Variants in CCDC157 observed in about 807,000 individuals in gnomAD.
The protein encoded by CCDC157 is coiled-coil domain-containing protein 157.
CCDC157 carries 60 observed loss-of-function variants against 70.9 expected under a neutral mutation model. That is an observed-to-expected ratio of 0.85 (90% CI 0.69 to 1.05). The LOEUF is 1.05. Among genes scored for constraint, CCDC157 ranks in the 50% least tolerant of loss-of-function variants. The pLI is 0.00. For synonymous variants in CCDC157, 373 were observed against 422.4 expected (o/e 0.88, Z 1.43); for missense variants, 943 against 984.2 (o/e 0.96, Z 0.56).
rs757683971 is a variant in CCDC157 at position 30,376,275 on chromosome 22, G to A, written c.1874G>A (p.Arg625Gln). The A allele has an allele frequency of 2.7e-5, 42 of 1,579,482 alleles. No homozygotes were observed. Among genetic ancestry groups the A allele is most frequent in the South Asian group, 9.9e-5 (9 of 90,622 alleles). The part of the protein sequence containing the change: ...QGGLKLIPQD[R>Q]LWSPSSKGTQ... ...TTTTTGTAGCTGATCCCGCAGGACC[G>A]GCTCTGGTCCCCTTCCAGCAAGGGA... The change falls in exon 11 of 12, where the codon CGG becomes CAG. Residue 625 changes from arginine (R) to glutamine (Q), a missense_variant. Transcript: ENST00000338306.
At chr22:30,371,547 T>G (rs11705092) in intron 5 of CCDC157, 103 bp from the exon 6 acceptor site, 205,920 of 972,998 alleles carry the variant, frequency 0.21, 23,589 homozygotes, top group Middle Eastern at 0.28. Context: ...GCGGCCCCTC[T>G]GCAGGCGATG....
At position 30,373,912 on chromosome 22, in the gene CCDC157, G is replaced by A. The variant is rs4820838; in HGVS notation, c.1504-11G>A. ...ACTCAGGAGCCAGGCCTGAGCCTCCGTCTGTCCCAGGAGCTGCTGCAGAGC... is the reference window on the plus strand; with the variant it reads ...ACTCAGGAGCCAGGCCTGAGCCTCCATCTGTCCCAGGAGCTGCTGCAGAGC... On this transcript the variant is annotated splice_polypyrimidine_tract_variant and intron_variant, in intron 8 of 11. Coordinates refer to ENST00000338306, the MANE Select transcript of CCDC157 (RefSeq NM_001017437.5). The A allele has an allele frequency of 1.1e-5, 17 of 1,602,406 alleles. No homozygotes were observed. In the East Asian group the frequency reaches 1.3e-4, roughly 13 times the overall value.
At chr22:30,357,701 G>A (rs1932007561) in intron 1 of CCDC157, among the ~76,000 whole-genome samples, 1 of 145,062 alleles carries the variant, frequency 6.9e-6, no homozygotes, top group Non-Finnish European at 1.5e-5. Flanking sequence ...ATTTTTAGTA[G>A]AGACGGGGTT....
rs964352666 is a variant in CCDC157 at position 30,375,554 on chromosome 22, G to C, written c.1748G>C (p.Arg583Thr). Reference protein sequence around the residue: ...DSGNVTDHMERQVQSNDIRIR... With the variant: ...DSGNVTDHMETQVQSNDIRIR... ...GGCAACGTCACAGATCACATGGAGA[G>C]GCAAGTGCAGTCCAACGACATCCGC... The change falls in exon 10 of 12, where the codon AGG becomes ACG. Residue 583 changes from arginine to threonine, a missense_variant. Transcript: ENST00000338306. 10 of 1,614,092 alleles carry C rather than the reference G, an allele frequency of 6.2e-6. No homozygotes were observed. Among genetic ancestry groups the C allele is most frequent in the Non-Finnish European group, 8.5e-6 (10 of 1,180,054 alleles).
intron 9 of CCDC157, chr22:30,374,400 C>T: frequency 1.8e-6 from 1 of 555,484 alleles, no homozygotes; most frequent in Non-Finnish European, 3.4e-6. Context: ...CATGCTAATT[C>T]TTGCTCGACT....
rs546070583 is a variant in CCDC157, at chr22:30,371,428, C to T, written c.1046-222C>T. On this transcript the variant is annotated intron_variant, in intron 5 of 11. Transcript: ENST00000338306. ...ATCACAGTTGCCTCCATGGACGACA[C>T]CAAGGCCCAGAGAGGTGTAGACACA... The T allele has an allele frequency of 3.0e-5, 17 of 574,096 alleles. No individual in the cohort carries two copies. In the South Asian group the frequency reaches 3.7e-4, roughly 13 times the overall value. 35.6% of individuals were successfully genotyped at this position (574,096 alleles called of 1,614,324 possible). A position where few individuals can be genotyped will look rare whatever the true frequency, so the allele number is the denominator to read the frequency against.
Position 30,373,752 on chromosome 22 carries a change from C to T in CCDC157, c.1491C>T (p.Leu497=), listed in dbSNP as rs371448879. The change falls in exon 8 of 12, where the codon CTC becomes CTT. Residue 497 remains leucine (L), a synonymous_variant. Transcript: ENST00000338306. ...QSEREQGQCQ[L]RAQQELLQSL... is the part of the protein sequence containing the mutation. ...AGCGGGAGCAGGGGCAATGCCAGCT[C>T]AGGGCCCAGCAGGTGAGGGTGGGGG... The T allele has an allele frequency of 5.5e-5, 86 of 1,552,212 alleles. No individual in the cohort carries two copies. The highest frequency in any genetic ancestry group is 1.4e-5 in the African/African-American group (1 of 73,290).
intron 6 of CCDC157, 125 bp downstream of exon 6, chr22:30,371,852 TG>T: frequency 1.1e-6 from 1 of 908,748 alleles, no homozygotes; most frequent in Non-Finnish European, 1.7e-6. Context: ...CACAGGAGGG[TG>T]GGCCTGACCA....
In CCDC157 at chr22:30,357,139, T is replaced by G; in HGVS notation, c.-166+7T>G. 1 of 239,150 alleles carries G rather than the reference T, an allele frequency of 4.2e-6. No homozygotes were observed. Among genetic ancestry groups the G allele is most frequent in the East Asian group, 7.8e-5 (1 of 12,858 alleles). 14.8% of individuals were successfully genotyped at this position (239,150 alleles called of 1,614,324 possible). ...GCCGCGACGCCGAAGACAGGTGAGATGTTGTACGTCACCCGCCGGACCCCC... is the reference window on the plus strand; with the variant it reads ...GCCGCGACGCCGAAGACAGGTGAGAGGTTGTACGTCACCCGCCGGACCCCC... On this transcript the variant is annotated splice_region_variant and intron_variant, in intron 1 of 11. Transcript: ENST00000338306.
At chr22:30,367,472 C>T (rs1053533703) in intron 3 of CCDC157, among the ~76,000 whole-genome samples, 11 of 152,090 alleles carry the variant, frequency 7.2e-5, no homozygotes, top group Non-Finnish European at 1.3e-4. Context: ...CTCCTGACCT[C>T]AGGTGATCCA....
At position 30,377,634 on chromosome 22, in the gene CCDC157, T is replaced by A. The variant is rs1933434347; in HGVS notation, c.*889T>A. 2 of 157,296 alleles carry A rather than the reference T, an allele frequency of 1.3e-5. No individual in the cohort carries two copies. The highest frequency in any genetic ancestry group is 1.2e-4 in the Admixed American group (2 of 16,316). 9.7% of individuals were successfully genotyped at this position (157,296 alleles called of 1,614,324 possible). A position where few individuals can be genotyped will look rare whatever the true frequency, so the allele number is the denominator to read the frequency against. On this transcript the variant is annotated 3_prime_UTR_variant, in exon 12 of 12. Coordinates refer to ENST00000338306, the MANE Select transcript of CCDC157 (RefSeq NM_001017437.5). ...GAGCACCTCAGTTCACAGAGAAGGGTCAAGAGGGGCCATGTATATAGCTGA... is the reference window on the plus strand; with the variant it reads ...GAGCACCTCAGTTCACAGAGAAGGGACAAGAGGGGCCATGTATATAGCTGA...
In CCDC157 at chr22:30,357,056, C is replaced by A. The variant is rs755215468; in HGVS notation, c.-242C>A. The A allele has an allele frequency of 8.3e-6, 3 of 363,340 alleles. No individual in the cohort carries two copies. The Admixed American group carries it at 1.4e-4, about 17-fold the overall frequency. The allele number at this position is 363,340 out of a possible 1,614,324, so 22.5% of individuals were successfully genotyped here. On this transcript the variant is annotated 5_prime_UTR_variant, in exon 1 of 12. Transcript: ENST00000338306. ...CCCGGCTAGGGCTTTTCGGGGATCC[C>A]GGTGGCCGCAGGCGCACCGGGGGCA...
chr22:30,374,867 C>T, intron 9 of CCDC157: 1 of 403,200 alleles, frequency 2.5e-6, no homozygotes, highest in South Asian at 1.8e-5. Context: ...GCCGTGTGAC[C>T]TTGGACAGCT....
At chr22:30,363,920 G>A (rs1470103836) in intron 2 of CCDC157, among the ~76,000 whole-genome samples, 1 of 152,078 alleles carries the variant, frequency 6.6e-6, no homozygotes, top group Non-Finnish European at 1.5e-5. Context: ...GACCTCAGGT[G>A]ATCCGCCCGC....
chr22:30,364,696 G>A lies in CCDC157; in HGVS notation c.-11-1294G>A, dbSNP rs186054620. Among the ~76,000 whole-genome samples the A allele has an allele frequency of 1.0e-3, 156 of 151,860 alleles. 1 individual carries two copies. The highest frequency in any genetic ancestry group is 1.8e-3 in the Non-Finnish European group (122 of 67,956). On this transcript the variant is annotated intron_variant, in intron 2 of 11. Transcript: ENST00000338306. ...CGGGCACCTGTAATCCCAGCTACTC[G>A]GGAGGCTGAGGCAGGAGAATTGCTT...
chr22:30,373,195 G>A (rs1326569965), intron 7 of CCDC157: 1 of 202,668 alleles, frequency 4.9e-6, no homozygotes, highest in Non-Finnish European at 1.0e-5. Flanking sequence ...TTTCCATTCA[G>A]TGGGTGTTAG....
chr22:30,358,225 C>T (rs986492951), intron 1 of CCDC157, among the ~76,000 whole-genome samples: 1 of 152,196 alleles, frequency 6.6e-6, no homozygotes, highest in Non-Finnish European at 1.5e-5. Flanking sequence ...CCACACACAT[C>T]GTAGCTGTGT....
Position 30,378,499 on chromosome 22 carries a change from A to G in CCDC157, c.*1754A>G, listed in dbSNP as rs1933463361. The G allele has an allele frequency of 1.2e-5, 2 of 168,808 alleles. No individual in the cohort carries two copies. Among genetic ancestry groups the G allele is most frequent in the Admixed American group, 1.2e-4 (2 of 16,904 alleles). 10.5% of individuals were successfully genotyped at this position (168,808 alleles called of 1,614,324 possible). On this transcript the variant is annotated 3_prime_UTR_variant, in exon 12 of 12. Coordinates refer to ENST00000338306, the MANE Select transcript of CCDC157 (RefSeq NM_001017437.5). Reference sequence around the variant, plus strand: ...CAAAATTAGCCGGGCGTGGTGGCGCATGTCTGTAATCCCAGCTACTTGGGA... The same window carrying G: ...CAAAATTAGCCGGGCGTGGTGGCGCGTGTCTGTAATCCCAGCTACTTGGGA...
chr22:30,366,068 G>T lies in CCDC157; in HGVS notation c.68G>T (p.Gly23Val), dbSNP rs1932707407. 1 of 1,609,162 alleles carries T rather than the reference G, an allele frequency of 6.2e-7. No individual in the cohort carries two copies. Among genetic ancestry groups the T allele is most frequent in the Non-Finnish European group, 8.5e-7 (1 of 1,179,866 alleles). ...SLRTDLTDLQ[G>V]AIVDVFSRAG... ...CGCACAGACCTCACCGACCTGCAGG[G>T]TGCCATCGTAGACGTCTTCTCCCGC... Residue 23 changes from glycine to valine, a missense_variant, in exon 3 of 12, where the codon GGT becomes GTT. Coordinates refer to ENST00000338306, the MANE Select transcript of CCDC157 (RefSeq NM_001017437.5).
Sources: gnomAD v4.1 joint callset for allele counts (sites outside exome capture counted in the v4.1 genomes callset) on GRCh38, gnomAD v4.1.1 for gene constraint, MANE v1.5 for transcripts, NCBI Gene and HGNC (gene_info 2026-07-23, HGNC 2026-07-21) for gene names.